PLXDC2: variants seen among roughly 807,000 people sequenced by gnomAD.
PLXDC2 encodes the protein plexin domain containing 2, also known as plexin domain-containing protein 2.
Under a neutral mutation model 68.9 loss-of-function variants are expected in PLXDC2, and 40 were observed. That is an observed-to-expected ratio of 0.58 (90% CI 0.45 to 0.76). PLXDC2 has a LOEUF of 0.76. Among genes scored for constraint, PLXDC2 ranks in the 30% least tolerant of loss-of-function variants. The pLI is 0.00. For missense variants in PLXDC2, 644 were observed against 661.9 expected, an observed-to-expected ratio of 0.97 and a Z score of 0.30; for synonymous variants, 243 against 234.2, an observed-to-expected ratio of 1.04 and a Z score of -0.34.
At chr10:19,979,487 T>C (rs1350909770) in intron 1 of PLXDC2, among the ~76,000 whole-genome samples, 1 of 151,924 alleles carries the variant, frequency 6.6e-6, no homozygotes, top group Non-Finnish European at 1.5e-5. Flanking sequence ...CAAGTGGTTC[T>C]CCTGCCTCAC....
intron 3 of PLXDC2, among the ~76,000 whole-genome samples, chr10:20,050,379 A>T (rs1835875562): frequency 6.6e-6 from 1 of 152,152 alleles, no homozygotes; most frequent in Admixed American, 6.6e-5. Flanking sequence ...AATTAAACTA[A>T]AGAGCTTCTG....
chr10:19,827,969 A>T (rs1053024998), intron 1 of PLXDC2, among the ~76,000 whole-genome samples: 8 of 152,210 alleles, frequency 5.3e-5, no homozygotes, highest in African/African-American at 1.9e-4. Context: ...CAGACTAACC[A>T]TACATCTAAT....
chr10:19,969,653 G>A (rs546975310), intron 1 of PLXDC2, among the ~76,000 whole-genome samples: 1 of 152,318 alleles, frequency 6.6e-6, no homozygotes, highest in Admixed American at 6.5e-5. Context: ...ACCATGGGAA[G>A]ATCTCTGAAT....
At chr10:19,846,037 C>T (rs1260186949) in intron 1 of PLXDC2, among the ~76,000 whole-genome samples, 1 of 152,148 alleles carries the variant, frequency 6.6e-6, no homozygotes, top group Non-Finnish European at 1.5e-5. Flanking sequence ...TTATTTAATT[C>T]CTTCAGGTCA....
intron 1 of PLXDC2, among the ~76,000 whole-genome samples, chr10:19,891,787 C>G (rs1476330699): frequency 6.6e-6 from 1 of 152,164 alleles, no homozygotes; most frequent in Admixed American, 6.5e-5. Flanking sequence ...GTCTAATAAA[C>G]CAAAGAATTG....
intron 1 of PLXDC2, 66 bp from the exon 2 acceptor site, chr10:20,001,709 C>A: frequency 7.0e-7 from 1 of 1,432,078 alleles, no homozygotes; most frequent in Non-Finnish European, 9.7e-7. Context: ...TCTTCTCGAG[C>A]CGATAGCACT....
intron 1 of PLXDC2, among the ~76,000 whole-genome samples, chr10:19,999,919 C>T (rs537765139): frequency 6.6e-6 from 1 of 152,276 alleles, no homozygotes; most frequent in Non-Finnish European, 1.5e-5. Context: ...ATAACAAAAG[C>T]ACGGAGACTT....
chr10:19,902,320 A>G (rs1191788302), intron 1 of PLXDC2, among the ~76,000 whole-genome samples: 1 of 151,952 alleles, frequency 6.6e-6, no homozygotes, highest in African/African-American at 2.4e-5. Flanking sequence ...ATGTGTTTGC[A>G]TTTGTTTGTG....
At chr10:20,115,619 A>G (rs1833611284) in intron 4 of PLXDC2, among the ~76,000 whole-genome samples, 1 of 152,200 alleles carries the variant, frequency 6.6e-6, no homozygotes, top group Non-Finnish European at 1.5e-5. Flanking sequence ...TGGCAATGTA[A>G]GAAATGCACA....
At chr10:20,027,728 T>A (rs1005876628) in intron 2 of PLXDC2, among the ~76,000 whole-genome samples, 33 of 147,254 alleles carry the variant, frequency 2.2e-4, no homozygotes, top group Non-Finnish European at 4.6e-4. Flanking sequence ...CTACATCAAA[T>A]CAATGCAGCA....
In PLXDC2 at chr10:19,823,879, A is replaced by G. The variant is rs1243591597; in HGVS notation, c.112+6688A>G. Reference sequence around the variant, plus strand: ...TTTAATTAGCTGTTCATGGTGGTGCACACCTGTAGTCCCAGCTACTTGGTA... The same window carrying G: ...TTTAATTAGCTGTTCATGGTGGTGCGCACCTGTAGTCCCAGCTACTTGGTA... On this transcript the variant is annotated intron_variant, in intron 1 of 13. Coordinates refer to ENST00000377252, the MANE Select transcript of PLXDC2 (RefSeq NM_032812.9). Among the ~76,000 whole-genome samples, 4 of 150,888 alleles carry G rather than the reference A, an allele frequency of 2.7e-5. No individual in the cohort carries two copies. The East Asian group carries it at 7.9e-4, about 30-fold the overall frequency.
At chr10:19,847,691 T>C (rs1475989515) in intron 1 of PLXDC2, among the ~76,000 whole-genome samples, 5 of 152,226 alleles carry the variant, frequency 3.3e-5, no homozygotes, top group Non-Finnish European at 7.3e-5. Context: ...TTCAGCCCAA[T>C]ACTTGTCATA....
At chr10:19,976,027 T>C (rs766423781) in intron 1 of PLXDC2, among the ~76,000 whole-genome samples, 8 of 152,060 alleles carry the variant, frequency 5.3e-5, no homozygotes, top group Non-Finnish European at 1.0e-4. Flanking sequence ...AAAGAATACG[T>C]TGGAGATAAG....
intron 13 of PLXDC2, among the ~76,000 whole-genome samples, chr10:20,260,242 T>A (rs1835793453): frequency 6.6e-6 from 1 of 152,214 alleles, no homozygotes; most frequent in African/African-American, 2.4e-5. Flanking sequence ...TTCAGTATAC[T>A]GTGCAATGCA....
chr10:20,081,750 G>A (rs1223985383), intron 4 of PLXDC2, among the ~76,000 whole-genome samples: 1 of 152,016 alleles, frequency 6.6e-6, no homozygotes, highest in Admixed American at 6.6e-5. Flanking sequence ...ATAAAAACAG[G>A]AGAAGTCTGG....
chr10:20,162,447 A>T (rs10764207), intron 6 of PLXDC2, among the ~76,000 whole-genome samples: 132,707 of 151,700 alleles, frequency 0.87, 58,316 homozygotes, highest in Non-Finnish European at 0.91. Context: ...AACTCACAGA[A>T]GTTGGAGAAG....
At chr10:20,247,503 C>A (rs1835616190) in intron 13 of PLXDC2, among the ~76,000 whole-genome samples, 1 of 151,814 alleles carries the variant, frequency 6.6e-6, no homozygotes, top group African/African-American at 2.4e-5. Flanking sequence ...CCTCCCTTCC[C>A]ATATTAGTTC....
chr10:20,241,230 G>A (rs982127111), intron 12 of PLXDC2, among the ~76,000 whole-genome samples: 26 of 152,142 alleles, frequency 1.7e-4, no homozygotes, highest in Non-Finnish European at 3.7e-4. Context: ...TAAAGGTAGC[G>A]AGGTTTACCA....
intron 9 of PLXDC2, among the ~76,000 whole-genome samples, chr10:20,209,778 T>A (rs1026298422): frequency 2.0e-5 from 3 of 151,984 alleles, no homozygotes; most frequent in Admixed American, 6.6e-5. Context: ...GCGACATACA[T>A]CCTCCTCAGC....
Sources: gnomAD v4.1 joint callset for allele counts (sites outside exome capture counted in the v4.1 genomes callset) on GRCh38, gnomAD v4.1.1 for gene constraint, MANE v1.5 for transcripts, NCBI Gene and HGNC (gene_info 2026-07-23, HGNC 2026-07-21) for gene names.